The following PPFIA2 variants were observed in gnomAD, a reference collection of about 807,000 sequenced individuals.
The protein encoded by PPFIA2 is liprin-alpha-2.
A neutral mutation model predicts 175.5 loss-of-function variants in PPFIA2; 46 were observed. The observed-to-expected ratio is 0.26, with a 90% CI of 0.21 to 0.34. PPFIA2 has a LOEUF of 0.34. Among genes scored for constraint, PPFIA2 ranks in the 10% least tolerant of loss-of-function variants. PPFIA2 has a pLI of 1.00. For missense variants in PPFIA2, 1,179 were observed against 1,506.1 expected (o/e 0.78, Z 3.60); for synonymous variants, 568 against 511.4 (o/e 1.11, Z -1.49).
chr12:81,659,743 G>A (rs754818155), intron 4 of PPFIA2, among the ~76,000 whole-genome samples: 2 of 152,160 alleles, frequency 1.3e-5, no homozygotes, highest in Non-Finnish European at 2.9e-5. Flanking sequence ...ATCTGAGAAC[G>A]GACAGACTGC....
At chr12:81,577,214 C>T (rs888383538) in intron 4 of PPFIA2, among the ~76,000 whole-genome samples, 3 of 151,810 alleles carry the variant, frequency 2.0e-5, no homozygotes, top group African/African-American at 7.2e-5. Flanking sequence ...GTAAAATTAA[C>T]ATTCCTCTGC....
intron 24 of PPFIA2, among the ~76,000 whole-genome samples, chr12:81,287,211 C>G (rs1469038947): frequency 6.6e-6 from 1 of 151,782 alleles, no homozygotes; most frequent in Non-Finnish European, 1.5e-5. Context: ...AGTGTAAAAT[C>G]AATTTTACAC....
intron 8 of PPFIA2, among the ~76,000 whole-genome samples, chr12:81,400,808 C>T (rs950247588): frequency 2.6e-5 from 4 of 152,086 alleles, no homozygotes; most frequent in African/African-American, 9.7e-5. Context: ...CGAGAAGAGG[C>T]CAGCCAGCTT....
intron 4 of PPFIA2, among the ~76,000 whole-genome samples, chr12:81,544,727 A>T (rs1348747678): frequency 1.3e-5 from 2 of 152,140 alleles, no homozygotes; most frequent in African/African-American, 4.8e-5. Flanking sequence ...TGAAATATAG[A>T]GGTTTCAAGC....
chr12:81,624,748 G>A (rs946431262), intron 4 of PPFIA2, among the ~76,000 whole-genome samples: 7 of 150,616 alleles, frequency 4.6e-5, no homozygotes, highest in Admixed American at 2.0e-4. Flanking sequence ...AAAACTGTAG[G>A]TTCTCCCTTA....
chr12:81,354,645 GTTGA>G (rs1420283106), intron 16 of PPFIA2, among the ~76,000 whole-genome samples: 2 of 148,934 alleles, frequency 1.3e-5, no homozygotes, highest in African/African-American at 2.6e-5. Flanking sequence ...TCTTATTAAG[GTTGA>G]TTTTTTTTTT....
chr12:81,647,519 T>C (rs1016639386), intron 4 of PPFIA2, among the ~76,000 whole-genome samples: 2 of 151,900 alleles, frequency 1.3e-5, no homozygotes, highest in Non-Finnish European at 2.9e-5. Context: ...CCCAGCACTT[T>C]GGGAGGTCGA....
intron 4 of PPFIA2, among the ~76,000 whole-genome samples, chr12:81,470,948 C>T (rs2056615341): frequency 6.6e-6 from 1 of 152,066 alleles, no homozygotes; most frequent in Admixed American, 6.6e-5. Flanking sequence ...GTTCTGTTGT[C>T]TACTTCTATT....
intron 15 of PPFIA2, among the ~76,000 whole-genome samples, chr12:81,361,318 TCTTCTC>T (rs1411310048): frequency 1.3e-5 from 2 of 151,694 alleles, no homozygotes; most frequent in African/African-American, 2.4e-5. Flanking sequence ...TTTTACCAGT[TCTTCTC>T]CTTCTCCTTC....
intron 4 of PPFIA2, among the ~76,000 whole-genome samples, chr12:81,553,144 G>T (rs1035867947): frequency 6.6e-6 from 1 of 151,982 alleles, no homozygotes; most frequent in African/African-American, 2.4e-5. Context: ...GCCAGAGAAG[G>T]TATCTTAGGC....
At chr12:81,263,210 A>T (rs1031858532) in intron 31 of PPFIA2, 21 bp downstream of exon 31, 3 of 1,575,388 alleles carry the variant, frequency 1.9e-6, no homozygotes, top group Non-Finnish European at 1.7e-6. Flanking sequence ...CTTGATAAGC[A>T]GCAATGCAAA....
At chr12:81,465,249 G>A (rs1364718280) in intron 4 of PPFIA2, 1 of 152,142 alleles carries the variant, frequency 6.6e-6, no homozygotes, top group African/African-American at 2.4e-5. Flanking sequence ...CCATCTATCT[G>A]AGTAAGTCCT....
intron 4 of PPFIA2, among the ~76,000 whole-genome samples, chr12:81,509,294 A>C (rs1050492041): frequency 2.0e-5 from 3 of 152,144 alleles, no homozygotes; most frequent in Admixed American, 6.6e-5. Context: ...GAAAATGGTA[A>C]GAGAAAGAAG....
chr12:81,739,556 CTTTCAA>C (rs1568080063), intron 3 of PPFIA2, among the ~76,000 whole-genome samples: 1 of 151,814 alleles, frequency 6.6e-6, no homozygotes, highest in Non-Finnish European at 1.5e-5. Flanking sequence ...TCAGGGAAAA[CTTTCAA>C]TTCAATTACC....
intron 4 of PPFIA2, among the ~76,000 whole-genome samples, chr12:81,489,956 CATCT>C (rs1007539134): frequency 3.3e-5 from 5 of 151,916 alleles, no homozygotes; most frequent in African/African-American, 4.8e-5. Context: ...TCTCTCTGTC[CATCT>C]ATCTATTTTT....
chr12:81,532,650 A>T (rs1478949464), intron 4 of PPFIA2, among the ~76,000 whole-genome samples: 1 of 151,800 alleles, frequency 6.6e-6, no homozygotes, highest in East Asian at 1.9e-4. Flanking sequence ...ATTTTCAGTG[A>T]CCACATGCAT....
chr12:81,669,680 C>T (rs529558559), intron 4 of PPFIA2, among the ~76,000 whole-genome samples: 66 of 151,996 alleles, frequency 4.3e-4, no homozygotes, highest in African/African-American at 1.4e-3. Flanking sequence ...AAATGACAAG[C>T]GTATTGTCCC....
At chr12:81,631,136 G>T (rs2063338004) in intron 4 of PPFIA2, among the ~76,000 whole-genome samples, 1 of 151,908 alleles carries the variant, frequency 6.6e-6, no homozygotes, top group South Asian at 2.1e-4. Context: ...GCTCAAGCGA[G>T]CCACCTGCCT....
intron 3 of PPFIA2, among the ~76,000 whole-genome samples, chr12:81,703,978 T>C (rs777218427): frequency 9.9e-5 from 15 of 152,190 alleles, no homozygotes; most frequent in East Asian, 3.9e-4. Flanking sequence ...TGTTCCTTCA[T>C]TGAATTAAGA....
Sources: allele counts gnomAD v4.1 joint callset (sites outside exome capture counted in the v4.1 genomes callset), GRCh38; gene constraint gnomAD v4.1.1; transcripts MANE v1.5; gene names NCBI Gene and HGNC (gene_info 2026-07-23, HGNC 2026-07-21).